FBXO44: variants seen among roughly 807,000 people sequenced by gnomAD.
FBXO44 encodes F-box only protein 44.
A neutral mutation model predicts 33.5 loss-of-function variants in FBXO44; 25 were observed. The ratio of observed to expected loss-of-function variants is 0.75; its 90% CI spans 0.54 to 1.04. FBXO44 has a LOEUF of 1.04. FBXO44 is among the 50% of genes least tolerant of loss of function. The probability of loss-of-function intolerance (pLI) is 0.00; values close to 1 mark genes in which losing one functional copy is unlikely to be tolerated. For missense variants in FBXO44, 311 were observed against 344.0 expected (o/e 0.90, Z 0.76); for synonymous variants, 147 against 152.8 (o/e 0.96, Z 0.28).
At chr1:11,654,849 GGGGCCTGGCGGGCC>G (rs1384759326), upstream of FBXO44, 7 of 131,470 alleles carry the variant, frequency 5.3e-5, no homozygotes, top group Admixed American at 7.7e-5. Context: ...GCGCGGGGGC[GGGGCCTGGCGGGCC>G]GGGGCGGGGC....
intron 4 of FBXO44, 32 bp downstream of exon 4, chr1:11,658,660 G>A: frequency 6.2e-7 from 1 of 1,605,930 alleles, no homozygotes; most frequent in Non-Finnish European, 8.5e-7. Flanking sequence ...CTGGGGTGGG[G>A]CATGCCAATC....
intron 2 of FBXO44, among the ~76,000 whole-genome samples, chr1:11,657,553 A>C (rs1400637414): frequency 6.6e-6 from 1 of 152,214 alleles, no homozygotes; most frequent in East Asian, 1.9e-4. Context: ...CAGCTTGGCC[A>C]ACATGGCGAA....
chr1:11,658,192 G>C, intron 2 of FBXO44, 75 bp from the exon 3 acceptor site: 1 of 1,602,508 alleles, frequency 6.2e-7, no homozygotes, highest in South Asian at 1.1e-5. Context: ...GCAGAGGAGT[G>C]GGGAGGAAGG....
intron 1 of FBXO44, chr1:11,655,428 G>C (rs1288545789): frequency 9.7e-6 from 2 of 206,594 alleles, no homozygotes; most frequent in African/African-American, 4.6e-5. Flanking sequence ...ATCATGTTCT[G>C]AGGATGGGAG....
intron 1 of FBXO44, chr1:11,655,306 C>T (rs2100602801): frequency 6.5e-6 from 1 of 154,034 alleles, no homozygotes; most frequent in South Asian, 2.0e-4. Flanking sequence ...CTGTCGCCCA[C>T]CCTCTTGCCA....
chr1:11,654,803 G>T, upstream of FBXO44: 1 of 143,018 alleles, frequency 7.0e-6, no homozygotes, highest in South Asian at 1.9e-4. Context: ...GTGGGGGTGC[G>T]TCCCTGGCCC....
chr1:11,658,275 G>A lies in FBXO44; in HGVS notation c.274G>A (p.Glu92Lys), dbSNP rs766909725. 2.4e-5 allele frequency: 38 copies of A among 1,613,808 alleles called. No homozygotes were observed. In the Middle Eastern group the frequency reaches 8.3e-4, roughly 35 times the overall value. The part of the protein sequence containing the change: ...LHNPCAEEGF[E>K]FWSLDVNGGD... ...CTCTGCTTTTCCATCAGAGGGGTTCGAGTTCTGGAGCCTGGATGTGAATGG... is the reference window on the plus strand; with the variant it reads ...CTCTGCTTTTCCATCAGAGGGGTTCAAGTTCTGGAGCCTGGATGTGAATGG... The change falls in exon 3 of 6, where the codon GAG (glutamate) becomes AAG (lysine). Residue 92 changes from glutamate to lysine, a missense_variant. Coordinates refer to ENST00000251547, the MANE Select transcript of FBXO44 (RefSeq NM_033182.7).
In FBXO44 at chr1:11,658,409, T is replaced by G. The variant is rs1469490438; in HGVS notation, c.392+16T>G. 1 of 1,613,822 alleles carries G rather than the reference T, an allele frequency of 6.2e-7. No homozygotes were observed. Among genetic ancestry groups the G allele is most frequent in the Admixed American group, 1.7e-5 (1 of 59,988 alleles). On this transcript the variant is annotated intron_variant, in intron 3 of 5. Coordinates refer to ENST00000251547, the MANE Select transcript of FBXO44 (RefSeq NM_033182.7). ...CTTCATATTAGTAAGATCCGGGGAC[T>G]TGGGGTAGGGGAAAGCCCAAATCAA... is the stretch of plus-strand genomic sequence containing the variant.
chr1:11,658,758 G>C lies in FBXO44; in HGVS notation c.511G>C (p.Gly171Arg), dbSNP rs372518301. The change falls in exon 5 of 6, where the codon GGG (glycine) becomes CGG (arginine). Residue 171 changes from glycine to arginine, a missense_variant. Transcript: ENST00000251547. ...CAGGTTCGCAGCCAGGCCAGATTGCGGGTCCAAGTACCAGCTGTGCGTTCA... is the reference window on the plus strand; with the variant it reads ...CAGGTTCGCAGCCAGGCCAGATTGCCGGTCCAAGTACCAGCTGTGCGTTCA... ...KDWFAARPDC[G>R]SKYQLCVQLL... 29 of 1,613,868 alleles carry C rather than the reference G, an allele frequency of 1.8e-5. No individual in the cohort carries two copies. Among genetic ancestry groups the C allele is most frequent in the Middle Eastern group, 1.6e-4 (1 of 6,084 alleles).
At chr1:11,659,532 C>G (rs1640048280) in intron 5 of FBXO44, among the ~76,000 whole-genome samples, 1 of 152,138 alleles carries the variant, frequency 6.6e-6, no homozygotes, top group Non-Finnish European at 1.5e-5. Context: ...TTTTTAGGGA[C>G]AGGGTCTCTG....
At chr1:11,659,668 T>A (rs865866040) in intron 5 of FBXO44, among the ~76,000 whole-genome samples, 20 of 149,978 alleles carry the variant, frequency 1.3e-4, no homozygotes, top group South Asian at 2.1e-4. Flanking sequence ...AAAAAAAAAA[T>A]TTTTTTTTGT....
At chr1:11,660,795 T>C (rs535661072) in intron 5 of FBXO44, among the ~76,000 whole-genome samples, 2 of 152,220 alleles carry the variant, frequency 1.3e-5, no homozygotes, top group South Asian at 4.1e-4. Context: ...TTATTTCTTT[T>C]GTTTTTTAGA....
chr1:11,654,444 G>A, upstream of FBXO44: 2 of 1,208,680 alleles, frequency 1.7e-6, no homozygotes, highest in East Asian at 3.2e-5. Context: ...CGGTCCCGGC[G>A]ACCGCGCCTC....
At chr1:11,656,179 G>A in intron 2 of FBXO44, 79 bp downstream of exon 2, 1 of 1,556,616 alleles carries the variant, frequency 6.4e-7, no homozygotes, top group Non-Finnish European at 8.7e-7. Flanking sequence ...CTTAGTATGA[G>A]CCGGGTACTT....
Position 11,661,070 on chromosome 1 carries a change from G to T in FBXO44, c.625-60G>T. 1.3e-6 allele frequency: 2 copies of T among 1,527,096 alleles called. No individual in the cohort carries two copies. Among genetic ancestry groups the T allele is most frequent in the African/African-American group, 1.4e-5 (1 of 73,050 alleles). The allele number at this position is 1,527,096 out of a possible 1,614,324, so 94.6% of individuals were successfully genotyped here. On this transcript the variant is annotated intron_variant, in intron 5 of 5. Transcript: ENST00000251547. The surrounding 1 kb of genome is among the most constrained non-coding windows in gnomAD (Gnocchi z 4.4). ...AGTACTGGGATTCCCGGTGTGAGCC[G>T]CCACACCCAGCCTGAGTCAGCTCCC...
upstream of FBXO44, chr1:11,654,690 C>T: frequency 4.1e-6 from 1 of 246,002 alleles, no homozygotes; most frequent in Non-Finnish European, 7.7e-6. Flanking sequence ...CACGGAGAGG[C>T]TGGGTCAGGC....
chr1:11,655,843 T>G lies in FBXO44; in HGVS notation c.8T>G (p.Val3Gly), dbSNP rs1570234083. MA[V>G]GNINELPENI... ...GTCCAGAAGCCACAAGCCATGGCTG[T>G]GGGGAACATCAACGAGCTGCCCGAG... The change falls in exon 2 of 6, where the codon GTG (valine) becomes GGG (glycine). Residue 3 changes from valine (V) to glycine (G), a missense_variant. Physicochemically the swap from Val to Gly is moderately radical, Grantham distance 109. Transcript: ENST00000251547. 1.2e-6 allele frequency: 2 copies of G among 1,613,466 alleles called. No homozygotes were observed. The highest frequency in any genetic ancestry group is 1.7e-6 in the Non-Finnish European group (2 of 1,179,740).
At position 11,661,112 on chromosome 1, in the gene FBXO44, C is replaced by A. The variant is rs761857270; in HGVS notation, c.625-18C>A. The A allele has an allele frequency of 1.2e-6, 2 of 1,603,726 alleles. No individual in the cohort carries two copies. The highest frequency in any genetic ancestry group is 8.5e-7 in the Non-Finnish European group (1 of 1,172,016). ...TCAGCTCCCTTGACCTTTCTCCCCC[C>A]TCTACCTGCCCTGCCAGGTCTCCCA... is the stretch of plus-strand genomic sequence containing the variant. On this transcript the variant is annotated intron_variant, in intron 5 of 5. Transcript: ENST00000251547. This position sits in a 1 kb window ranked among gnomAD's most constrained non-coding sequence, Gnocchi z 4.4.
upstream of FBXO44, chr1:11,654,422 C>T: frequency 7.7e-7 from 1 of 1,297,292 alleles, no homozygotes; most frequent in Non-Finnish European, 9.8e-7. Flanking sequence ...CCGGCGCTGT[C>T]CGCGTCTGTG....
Sources: allele counts gnomAD v4.1 joint callset (sites outside exome capture counted in the v4.1 genomes callset), GRCh38; gene constraint gnomAD v4.1.1; non-coding constraint Gnocchi (gnomAD v3.1); transcripts MANE v1.5; gene names NCBI Gene and HGNC (gene_info 2026-07-23, HGNC 2026-07-21).